ARHGAP39: variants seen among roughly 807,000 people sequenced by gnomAD.
The protein encoded by ARHGAP39 is Rho GTPase activating protein 39, also known as rho GTPase-activating protein 39.
ARHGAP39 carries 44 observed loss-of-function variants against 106.9 expected under a neutral mutation model. That is an observed-to-expected ratio of 0.41 (90% confidence interval 0.32 to 0.53). ARHGAP39 has a LOEUF of 0.53. Ranked by LOEUF, ARHGAP39 falls within the 20% of genes least tolerant of loss-of-function variation. ARHGAP39 has a pLI of 0.21. For missense variants in ARHGAP39, 1,496 were observed against 1,577.3 expected (o/e 0.95, Z 0.87); for synonymous variants, 768 against 693.2 (o/e 1.11, Z -1.69).
At chr8:144,655,879 C>G (rs1821680803) in intron 1 of ARHGAP39, among the ~76,000 whole-genome samples, 1 of 152,102 alleles carries the variant, frequency 6.6e-6, no homozygotes. Flanking sequence ...AAAGTTCAGT[C>G]TTATCCAATT....
intron 9 of ARHGAP39, 139 bp from the exon 10 acceptor site, chr8:144,532,535 G>A (rs1039233896): frequency 1.4e-6 from 1 of 704,508 alleles, no homozygotes; most frequent in Non-Finnish European, 2.4e-6. Flanking sequence ...ACCCCGGTTG[G>A]CCTCTTTCCC....
At chr8:144,695,882 T>C in the ARHGAP39 span, among the ~76,000 whole-genome samples, 1 of 152,162 alleles carries the variant, frequency 6.6e-6, no homozygotes, top group Non-Finnish European at 1.5e-5. Context: ...AATTGCATTC[T>C]TGGATGTGCT....
rs1177805090 is a variant in ARHGAP39, at chr8:144,531,245, GGCAGCGA to G, written c.2981-381_2981-375del. 2.8e-3 allele frequency among the ~76,000 whole-genome samples: 187 copies of G among 66,002 alleles called. 8 individuals are homozygous for G. The highest frequency in any genetic ancestry group is 0.011 in the Middle Eastern group (1 of 92). 43.3% of individuals were successfully genotyped at this position (66,002 alleles called of 152,430 possible). ...TAGCAGGCACGGCAGAAGGGCACAG[GGCAGCGA>G]GCAGCAGGTGGGGAGTGGGCTAGAC... On this transcript the variant is annotated intron_variant, in intron 10 of 11. Transcript: ENST00000377307.
chr8:144,642,162 T>C (rs1312203421), intron 1 of ARHGAP39, among the ~76,000 whole-genome samples: 1 of 152,172 alleles, frequency 6.6e-6, no homozygotes, highest in Non-Finnish European at 1.5e-5. Flanking sequence ...ACATGAGACC[T>C]CGTCTCTATT....
rs1302660964 is a variant in ARHGAP39, at chr8:144,602,708, TTG to T, written c.80+2825_80+2826del. Among the ~76,000 whole-genome samples, 6 of 42,526 alleles carry T rather than the reference TTG, an allele frequency of 1.4e-4. 1 individual carries two copies. Among genetic ancestry groups the T allele is most frequent in the African/African-American group, 3.1e-4 (3 of 9,766 alleles). The allele number at this position is 42,526 out of a possible 152,430, so 27.9% of individuals were successfully genotyped here. The stretch of plus-strand genomic sequence containing the variant: ...TGTACCTGTGTGCATGTGCGTGGAG[TTG>T]TGTGCGCTCGTGTACCTGTGTGTGT... On this transcript the variant is annotated intron_variant, in intron 2 of 11. Transcript: ENST00000377307.
intron 7 of ARHGAP39, 74 bp downstream of exon 7, chr8:144,537,647 A>T: frequency 4.2e-6 from 5 of 1,191,956 alleles, no homozygotes; most frequent in Non-Finnish European, 6.1e-6. Context: ...TAGAGAAGAG[A>T]AGGCCAGGCG....
At chr8:144,572,200 G>A (rs1286738661) in intron 3 of ARHGAP39, among the ~76,000 whole-genome samples, 2 of 152,160 alleles carry the variant, frequency 1.3e-5, no homozygotes, top group African/African-American at 2.4e-5. Flanking sequence ...CAAAGCTGGA[G>A]GCATCATGCT....
rs1404434244 is a variant in ARHGAP39 at position 144,668,692 on chromosome 8, CATGAA to C, written c.-82+16989_-82+16993del. ...AATAAATGGTAAGACATTCCATGTT[CATGAA>C]ATGAAAGACAACATTAGTAAGATGG... On this transcript the variant is annotated intron_variant, in intron 1 of 11. Transcript: ENST00000377307. Among the ~76,000 whole-genome samples the C allele has an allele frequency of 6.6e-5, 10 of 152,138 alleles. No individual in the cohort carries two copies. In the East Asian group the frequency reaches 1.9e-3, roughly 29 times the overall value.
chr8:144,541,355 CT>C (rs1200596793), intron 6 of ARHGAP39, among the ~76,000 whole-genome samples: 3 of 152,192 alleles, frequency 2.0e-5, no homozygotes, highest in African/African-American at 4.8e-5. Flanking sequence ...TTTCCATTTT[CT>C]TTTTCTTTGT....
intron 1 of ARHGAP39, among the ~76,000 whole-genome samples, chr8:144,606,598 AAGGAGGAGGAGAAGG>A (rs1171602837): frequency 5.3e-5 from 8 of 151,822 alleles, no homozygotes; most frequent in Non-Finnish European, 1.0e-4. Context: ...TAGTTAAGAG[AAGGAGGAGGAGAAGG>A]AGGAGGAGGA....
intron 1 of ARHGAP39, among the ~76,000 whole-genome samples, chr8:144,661,360 ACCAGCCACCTGGC>A (rs919515889): frequency 6.6e-6 from 1 of 152,172 alleles, no homozygotes; most frequent in Admixed American, 6.5e-5. Context: ...GGCTCCACAC[ACCAGCCACCTGGC>A]CTCGGTCTCT....
At chr8:144,553,545 C>A (rs1218821403) in intron 4 of ARHGAP39, among the ~76,000 whole-genome samples, 1 of 152,248 alleles carries the variant, frequency 6.6e-6, no homozygotes, top group Admixed American at 6.5e-5. Flanking sequence ...CACAAGCCCC[C>A]CGAGGCAGTA....
chr8:144,611,756 C>T (rs1222306298), intron 1 of ARHGAP39, among the ~76,000 whole-genome samples: 1 of 152,092 alleles, frequency 6.6e-6, no homozygotes, highest in African/African-American at 2.4e-5. Context: ...TAGCTCATGT[C>T]TACAATCCCA....
At chr8:144,651,686 GAT>G (rs1821578154) in intron 1 of ARHGAP39, among the ~76,000 whole-genome samples, 2 of 152,048 alleles carry the variant, frequency 1.3e-5, no homozygotes, top group African/African-American at 4.8e-5. Context: ...CAGCCTGGAT[GAT>G]AGAGAGACTC....
chr8:144,622,618 C>T (rs1057402500), intron 1 of ARHGAP39, among the ~76,000 whole-genome samples: 5 of 152,198 alleles, frequency 3.3e-5, no homozygotes, highest in African/African-American at 1.2e-4. Context: ...TGGACACTTG[C>T]GTTCTGTCAG....
At position 144,545,781 on chromosome 8, in the gene ARHGAP39, G is replaced by T; in HGVS notation, c.1989C>A (p.Phe663Leu). ...CGCTGCGGCTCTGCCGGCTGCTCTC[G>T]AACTGGGCACAGGCAGCGAGGTCCT... ...QSEDLAACAQFESSRQSRSGV... is the reference protein window; with the variant it reads ...QSEDLAACAQLESSRQSRSGV... The change falls in exon 6 of 12, where the codon TTC (phenylalanine) becomes TTA (leucine). Residue 663 changes from phenylalanine (F) to leucine (L), a missense_variant. Physicochemically the swap from Phe to Leu is conservative, Grantham distance 22. Coordinates refer to ENST00000377307, the MANE Select transcript of ARHGAP39 (RefSeq NM_025251.3). 1 of 1,583,844 alleles carries T rather than the reference G, an allele frequency of 6.3e-7. No individual in the cohort carries two copies. The highest frequency in any genetic ancestry group is 8.6e-7 in the Non-Finnish European group (1 of 1,165,886).
chr8:144,551,626 G>T (rs186065010), intron 4 of ARHGAP39, among the ~76,000 whole-genome samples: 3 of 139,510 alleles, frequency 2.2e-5, no homozygotes, highest in African/African-American at 7.8e-5. Context: ...CCACCCTTCC[G>T]CCATGTAGGC....
chr8:144,553,343 G>A (rs1393122160), intron 4 of ARHGAP39, among the ~76,000 whole-genome samples: 2 of 152,202 alleles, frequency 1.3e-5, no homozygotes, highest in African/African-American at 2.4e-5. Flanking sequence ...AGATTCAGCT[G>A]GGTGCCTGCT....
intron 10 of ARHGAP39, 110 bp from the exon 11 acceptor site, chr8:144,530,981 G>A: frequency 1.4e-6 from 2 of 1,392,468 alleles, no homozygotes; most frequent in Non-Finnish European, 1.9e-6. Flanking sequence ...CAGGCTGGGA[G>A]GGCCGGCTCA....
Sources: allele counts gnomAD v4.1 joint callset (sites outside exome capture counted in the v4.1 genomes callset), GRCh38; gene constraint gnomAD v4.1.1; transcripts MANE v1.5; gene names NCBI Gene and HGNC (gene_info 2026-07-23, HGNC 2026-07-21).